Variants in TMEM132D observed in about 807,000 individuals in gnomAD.
The protein encoded by TMEM132D is mature OL transmembrane protein.
A neutral mutation model predicts 62.3 loss-of-function variants in TMEM132D; 21 were observed. That is an observed-to-expected ratio of 0.34 (90% CI 0.24 to 0.49). The LOEUF is 0.49. TMEM132D is among the 20% of genes least tolerant of loss of function. The pLI, the probability that TMEM132D is intolerant of heterozygous loss-of-function variation, is 0.99. For missense variants in TMEM132D, 1,346 were observed against 1,402.8 expected, an observed-to-expected ratio of 0.96 and a Z score of 0.65; for synonymous variants, 621 against 575.6, an observed-to-expected ratio of 1.08 and a Z score of -1.13.
chr12:129,291,583 A>G (rs1881447448), intron 4 of TMEM132D, among the ~76,000 whole-genome samples: 1 of 152,178 alleles, frequency 6.6e-6, no homozygotes, highest in Admixed American at 6.5e-5. Context: ...AAGGCTACGG[A>G]AAATGTCTGT....
chr12:129,201,400 T>G (rs1878700588), intron 5 of TMEM132D, among the ~76,000 whole-genome samples: 1 of 152,178 alleles, frequency 6.6e-6, no homozygotes, highest in Non-Finnish European at 1.5e-5. Context: ...GGACATGGGT[T>G]GCTTTTGCTG....
intron 3 of TMEM132D, among the ~76,000 whole-genome samples, chr12:129,387,286 T>C (rs972777190): frequency 1.7e-5 from 2 of 120,616 alleles, no homozygotes; most frequent in Non-Finnish European, 3.4e-5. Context: ...TAATAGTATG[T>C]GCCAATGCCA....
At chr12:129,199,144 C>T (rs983945875) in intron 5 of TMEM132D, among the ~76,000 whole-genome samples, 1 of 130,022 alleles carries the variant, frequency 7.7e-6, no homozygotes, top group South Asian at 2.5e-4. Flanking sequence ...GGGTCTCGCT[C>T]TGTCATCCAG....
chr12:129,843,806 T>C (rs1353278440), intron 1 of TMEM132D, among the ~76,000 whole-genome samples: 1 of 152,150 alleles, frequency 6.6e-6, no homozygotes, highest in Non-Finnish European at 1.5e-5. Context: ...ACTTATCAAA[T>C]GGCCAGGCAT....
chr12:129,818,508 T>C (rs1872444055), intron 1 of TMEM132D, among the ~76,000 whole-genome samples: 1 of 150,822 alleles, frequency 6.6e-6, no homozygotes. Context: ...TATGTGTGTA[T>C]GTGCGCATCT....
chr12:129,183,984 A>T (rs1167072935), intron 5 of TMEM132D, among the ~76,000 whole-genome samples: 1 of 152,186 alleles, frequency 6.6e-6, no homozygotes, highest in East Asian at 1.9e-4. Flanking sequence ...CATTGCAGTA[A>T]TGCTGTGGCT....
intron 2 of TMEM132D, among the ~76,000 whole-genome samples, chr12:129,649,018 G>C (rs1315928145): frequency 1.3e-5 from 2 of 152,148 alleles, no homozygotes; most frequent in African/African-American, 4.8e-5. Context: ...GCAGGATGCT[G>C]GGTGCTTTTG....
chr12:129,568,942 G>A (rs1321518105), intron 2 of TMEM132D, among the ~76,000 whole-genome samples: 1 of 152,144 alleles, frequency 6.6e-6, no homozygotes, highest in Admixed American at 6.5e-5. Flanking sequence ...AGTCACCTGG[G>A]AGGGATTAAA....
chr12:129,567,566 T>G (rs1877402063), intron 2 of TMEM132D, among the ~76,000 whole-genome samples: 1 of 152,204 alleles, frequency 6.6e-6, no homozygotes, highest in Non-Finnish European at 1.5e-5. Context: ...ACAGAGTGGA[T>G]GCAAAAGCAG....
chr12:129,106,786 C>A (rs768948865), intron 5 of TMEM132D, among the ~76,000 whole-genome samples: 26 of 152,146 alleles, frequency 1.7e-4, no homozygotes, highest in Non-Finnish European at 3.7e-4. Context: ...CACTTAAGAG[C>A]CAGTGCACAC....
chr12:129,212,325 C>G (rs904370786), intron 4 of TMEM132D: 1 of 152,216 alleles, frequency 6.6e-6, no homozygotes, highest in African/African-American at 2.4e-5. Flanking sequence ...GGCTGAGTGA[C>G]TGAGCCTTCA....
chr12:129,346,354 A>G lies in TMEM132D; in HGVS notation c.1116-8537T>C, dbSNP rs1593345770. Among the ~76,000 whole-genome samples, 3 of 7,326 alleles carry G rather than the reference A, an allele frequency of 4.1e-4. 1 individual carries two copies. The highest frequency in any genetic ancestry group is 6.5e-4 in the African/African-American group (3 of 4,590). 4.8% of individuals were successfully genotyped at this position (7,326 alleles called of 152,430 possible). ...TTTCTTCTTTATTAGTCTGGCTAGC[A>G]GTCTCTATTTGTTAATCTTTTCAAA... On this transcript the variant is annotated intron_variant, in intron 3 of 8. Transcript: ENST00000422113.
At chr12:129,160,575 C>T (rs1044838730) in intron 5 of TMEM132D, among the ~76,000 whole-genome samples, 5 of 152,192 alleles carry the variant, frequency 3.3e-5, no homozygotes, top group Admixed American at 2.6e-4. Context: ...GAGACTGATT[C>T]CTGATAGTAG....
chr12:129,299,332 G>T (rs991861136), intron 4 of TMEM132D, among the ~76,000 whole-genome samples: 1 of 151,896 alleles, frequency 6.6e-6, no homozygotes, highest in Non-Finnish European at 1.5e-5. Flanking sequence ...TACTGTTGGA[G>T]CTCCTGGATC....
chr12:129,140,629 AG>A (rs1201720306), intron 5 of TMEM132D, among the ~76,000 whole-genome samples: 3 of 152,158 alleles, frequency 2.0e-5, no homozygotes, highest in Non-Finnish European at 2.9e-5. Flanking sequence ...ACGTAAGATC[AG>A]GAGTTCGAGA....
At chr12:129,237,098 C>A (rs1879807061) in intron 4 of TMEM132D, among the ~76,000 whole-genome samples, 1 of 152,006 alleles carries the variant, frequency 6.6e-6, no homozygotes, top group Non-Finnish European at 1.5e-5. Flanking sequence ...TTGAACAATC[C>A]TTTTAATATG....
chr12:129,435,386 G>A (rs567727512), intron 3 of TMEM132D, among the ~76,000 whole-genome samples: 1 of 152,212 alleles, frequency 6.6e-6, no homozygotes, highest in African/African-American at 2.4e-5. Context: ...ATTTTTTAAG[G>A]TGCCTACATA....
chr12:129,317,676 G>GT, intron 4 of TMEM132D, among the ~76,000 whole-genome samples: 1 of 152,138 alleles, frequency 6.6e-6, no homozygotes, highest in South Asian at 2.1e-4. Flanking sequence ...TTCTCGTATT[G>GT]GAACGTCTAG....
At chr12:129,257,498 T>C (rs933483857) in intron 4 of TMEM132D, among the ~76,000 whole-genome samples, 13 of 152,306 alleles carry the variant, frequency 8.5e-5, no homozygotes, top group East Asian at 1.9e-4. Flanking sequence ...CGTGAGCCAC[T>C]GTGCCCGGCC....
Sources: allele counts gnomAD v4.1 joint callset (sites outside exome capture counted in the v4.1 genomes callset), GRCh38; gene constraint gnomAD v4.1.1; transcripts MANE v1.5; gene names NCBI Gene and HGNC (gene_info 2026-07-23, HGNC 2026-07-21).